Variants in OR4D9 observed in about 807,000 individuals in gnomAD.
OR4D9 encodes olfactory receptor family 4 subfamily D member 9.
In OR4D9, 2 loss-of-function variants were observed where a neutral mutation model predicts 0.8. That is an observed-to-expected ratio of 2.58 (90% confidence interval 1.06 to 8.13). The LOEUF (loss-of-function observed/expected upper bound fraction) is 8.13. OR4D9 is among the 30% of genes most tolerant of loss of function. The pLI, the probability that OR4D9 is intolerant of heterozygous loss-of-function variation, is 0.04. For missense variants in OR4D9, 399 were observed against 384.7 expected (o/e 1.04, Z -0.31); for synonymous variants, 146 against 151.2 (o/e 0.97, Z 0.25).
In OR4D9 at chr11:59,519,353, CAAA is replaced by C. The variant is rs111323455; in HGVS notation, c.*3507_*3509del. On this transcript the variant is annotated 3_prime_UTR_variant, in exon 3 of 3. Transcript: ENST00000641962. ...TGGGCAAAAGAGTGAGACCCTGTCT[CAAA>C]AAAAAAAAAAGAAAAAGTTTGCTGG... The C allele has an allele frequency of 4.1e-5, 5 of 120,574 alleles. No individual in the cohort carries two copies. The highest frequency in any genetic ancestry group is 7.0e-5 in the Non-Finnish European group (4 of 56,768). The allele number at this position is 120,574 out of a possible 1,614,324, so 7.5% of individuals were successfully genotyped here.
In OR4D9 at chr11:59,515,075, C is replaced by A. The variant is rs781430847; in HGVS notation, c.163C>A (p.Leu55Ile). 7.4e-6 allele frequency: 12 copies of A among 1,613,972 alleles called. No homozygotes were observed. The East Asian group carries it at 2.7e-4, about 36-fold the overall frequency. Reference sequence around the variant, plus strand: ...GGTTACAGTTACCTGTGAATCTCACCTTCATACGCCCATGTACTTCCTGCT... The same window carrying A: ...GGTTACAGTTACCTGTGAATCTCACATTCATACGCCCATGTACTTCCTGCT... The part of the protein sequence containing the change: ...IMVTVTCESH[L>I]HTPMYFLLRN... Residue 55 changes from leucine (L) to isoleucine (I), a missense_variant, in exon 3 of 3, where the codon CTT becomes ATT. By Grantham distance (5) the Leu-to-Ile change is conservative. Coordinates refer to ENST00000641962, the MANE Select transcript of OR4D9 (RefSeq NM_001004711.2).
chr11:59,512,593 G>A (rs1368351541), intron 1 of OR4D9, among the ~76,000 whole-genome samples: 1 of 151,820 alleles, frequency 6.6e-6, no homozygotes, highest in Non-Finnish European at 1.5e-5. Flanking sequence ...GGAGGTCCAG[G>A]CAGGTGGTTC....
chr11:59,511,893 T>G (rs1424636729), intron 1 of OR4D9, 147 bp downstream of exon 1: 13 of 152,208 alleles, frequency 8.5e-5, no homozygotes, highest in Admixed American at 8.5e-4. Flanking sequence ...TCACCAGCTC[T>G]CAGGAGGATG....
rs1859437822 is a variant in OR4D9 at position 59,518,799 on chromosome 11, G to A, written c.*2942G>A. On this transcript the variant is annotated 3_prime_UTR_variant, in exon 3 of 3. Transcript: ENST00000641962. The stretch of plus-strand genomic sequence containing the variant: ...AGAATTATGGGGAAGGGAGGGGTGT[G>A]TCTTTATGGGACAGTCCTGGAAGTG... 6.6e-6 allele frequency: 1 copy of A among 152,414 alleles called. No homozygotes were observed. The highest frequency in any genetic ancestry group is 2.1e-4 in the South Asian group (1 of 4,832). The allele number at this position is 152,414 out of a possible 1,614,324, so 9.4% of individuals were successfully genotyped here. A position where few individuals can be genotyped will look rare whatever the true frequency, so the allele number is the denominator to read the frequency against.
At position 59,519,078 on chromosome 11, in the gene OR4D9, TGCGGTGGCTCATGCCTGTAATCTCA is replaced by T. The variant is rs1859440940; in HGVS notation, c.*3224_*3248del. 1 of 152,194 alleles carries T rather than the reference TGCGGTGGCTCATGCCTGTAATCTCA, an allele frequency of 6.6e-6. No homozygotes were observed. 9.4% of individuals were successfully genotyped at this position (152,194 alleles called of 1,614,324 possible). A position where few individuals can be genotyped will look rare whatever the true frequency, so the allele number is the denominator to read the frequency against. The stretch of plus-strand genomic sequence containing the variant: ...TAAAAATGTTTGCTACAGGGCTGGC[TGCGGTGGCTCATGCCTGTAATCTCA>T]GCACCTTGGGAGGCCAGGGAGGGTG... On this transcript the variant is annotated 3_prime_UTR_variant, in exon 3 of 3. Transcript: ENST00000641962.
chr11:59,512,595 A>T (rs903215666), intron 1 of OR4D9, among the ~76,000 whole-genome samples: 6 of 151,614 alleles, frequency 4.0e-5, no homozygotes, highest in African/African-American at 1.5e-4. Flanking sequence ...AGGTCCAGGC[A>T]GGTGGTTCAC....
rs1859378108 is a variant in OR4D9 at position 59,514,786 on chromosome 11, A to G, written c.-31+20A>G. 1 of 653,316 alleles carries G rather than the reference A, an allele frequency of 1.5e-6. No homozygotes were observed. The highest frequency in any genetic ancestry group is 2.0e-5 in the South Asian group (1 of 51,034). 40.5% of individuals were successfully genotyped at this position (653,316 alleles called of 1,614,324 possible). The stretch of plus-strand genomic sequence containing the variant: ...GACACAGTGAGTGCATAGGGAAAAG[A>G]GCTTCCTCCTAATTCTGAGCCAAAT... On this transcript the variant is annotated intron_variant, in intron 2 of 2. Transcript: ENST00000641962.
At position 59,516,207 on chromosome 11, in the gene OR4D9, C is replaced by G. The variant is rs1474587421; in HGVS notation, c.*350C>G. Reference sequence around the variant, plus strand: ...TATTAAAAAATATAAACAGGCCAGGCGTGGTGGCTCACACCTGTAATCCCA... The same window carrying G: ...TATTAAAAAATATAAACAGGCCAGGGGTGGTGGCTCACACCTGTAATCCCA... On this transcript the variant is annotated 3_prime_UTR_variant, in exon 3 of 3. Transcript: ENST00000641962. The G allele has an allele frequency of 5.0e-5, 9 of 179,818 alleles. No homozygotes were observed. Among genetic ancestry groups the G allele is most frequent in the Non-Finnish European group, 9.4e-5 (8 of 84,830 alleles). The allele number at this position is 179,818 out of a possible 1,614,324, so 11.1% of individuals were successfully genotyped here.
At position 59,515,312 on chromosome 11, in the gene OR4D9, A is replaced by G. The variant is rs766456433; in HGVS notation, c.400A>G (p.Thr134Ala). The change falls in exon 3 of 3, where the codon ACC becomes GCC. Residue 134 changes from threonine (T) to alanine (A), a missense_variant. Thr to Ala is a moderately conservative substitution (Grantham distance 58). Transcript: ENST00000641962. Reference sequence around the variant, plus strand: ...CATCTCCAAGCCCCTGCACTATATGACCATCATGAGTAGGGGGCGATGCAC... The same window carrying G: ...CATCTCCAAGCCCCTGCACTATATGGCCATCATGAGTAGGGGGCGATGCAC... ...IAISKPLHYM[T>A]IMSRGRCTGL... 1.7e-5 allele frequency: 27 copies of G among 1,613,086 alleles called. 1 individual carries two copies. The highest frequency in any genetic ancestry group is 1.5e-5 in the Non-Finnish European group (18 of 1,179,696).
chr11:59,515,594 C>G lies in OR4D9; in HGVS notation c.682C>G (p.His228Asp), dbSNP rs146561258. 766 of 1,614,048 alleles carry G rather than the reference C, an allele frequency of 4.7e-4. No homozygotes were observed. Among genetic ancestry groups the G allele is most frequent in the Non-Finnish European group, 6.1e-4 (724 of 1,180,036 alleles). The part of the protein sequence containing the change: ...YTVILMMLRS[H>D]TGEGRRKAIS... ...GGTCATCTTGATGATGCTGAGGTCT[C>G]ACACTGGGGAAGGCAGGAGGAAAGC... Residue 228 changes from histidine (H) to aspartate (D), a missense_variant, in exon 3 of 3, where the codon CAC becomes GAC. By Grantham distance (81) the His-to-Asp change is moderately conservative (BLOSUM62 -1). Coordinates refer to ENST00000641962, the MANE Select transcript of OR4D9 (RefSeq NM_001004711.2).
chr11:59,513,672 C>T lies in OR4D9; in HGVS notation c.-124-1001C>T, dbSNP rs2134584886. ...GTGCTACTGGTGAGGTGTGGTGGCTCATGCTTGTAATCAAACTTAAGAGGC... is the reference window on the plus strand; with the variant it reads ...GTGCTACTGGTGAGGTGTGGTGGCTTATGCTTGTAATCAAACTTAAGAGGC... On this transcript the variant is annotated intron_variant, in intron 1 of 2. Transcript: ENST00000641962. Among the ~76,000 whole-genome samples the T allele has an allele frequency of 2.0e-5, 3 of 152,140 alleles. No homozygotes were observed. The South Asian group carries it at 6.2e-4, about 32-fold the overall frequency.
At position 59,517,155 on chromosome 11, in the gene OR4D9, G is replaced by A. The variant is rs1336113823; in HGVS notation, c.*1298G>A. On this transcript the variant is annotated 3_prime_UTR_variant, in exon 3 of 3. Coordinates refer to ENST00000641962, the MANE Select transcript of OR4D9 (RefSeq NM_001004711.2). The stretch of plus-strand genomic sequence containing the variant: ...TAGTCCCAGCTACTTGAGAGACTGA[G>A]GCAGGAGAGGTTGAGGCTGCAGTGA... 1 of 151,912 alleles carries A rather than the reference G, an allele frequency of 6.6e-6. No individual in the cohort carries two copies. Among genetic ancestry groups the A allele is most frequent in the Non-Finnish European group, 1.5e-5 (1 of 67,942 alleles). 9.4% of individuals were successfully genotyped at this position (151,912 alleles called of 1,614,324 possible).
rs984373614 is a variant in OR4D9 at position 59,519,469 on chromosome 11, G to T, written c.*3612G>T. 2 of 152,230 alleles carry T rather than the reference G, an allele frequency of 1.3e-5. No homozygotes were observed. Among genetic ancestry groups the T allele is most frequent in the African/African-American group, 4.8e-5 (2 of 41,428 alleles). 9.4% of individuals were successfully genotyped at this position (152,230 alleles called of 1,614,324 possible). ...ATTTTTCTTAACTTAAAGGAAGAGG[G>T]AAATGATCAAGGTAAACCCTGGGAT... On this transcript the variant is annotated 3_prime_UTR_variant, in exon 3 of 3. Coordinates refer to ENST00000641962, the MANE Select transcript of OR4D9 (RefSeq NM_001004711.2).
chr11:59,518,111 A>T lies in OR4D9; in HGVS notation c.*2254A>T, dbSNP rs1859428267. On this transcript the variant is annotated 3_prime_UTR_variant, in exon 3 of 3. Coordinates refer to ENST00000641962, the MANE Select transcript of OR4D9 (RefSeq NM_001004711.2). ...TGAGAATTTGCCAGTCTCTGTTGTG[A>T]AAGAGACAGGGATAGTGCTAGGAGA... The T allele has an allele frequency of 6.6e-6, 1 of 152,194 alleles. No individual in the cohort carries two copies. Among genetic ancestry groups the T allele is most frequent in the Admixed American group, 6.5e-5 (1 of 15,280 alleles). 9.4% of individuals were successfully genotyped at this position (152,194 alleles called of 1,614,324 possible).
In OR4D9 at chr11:59,515,276, C is replaced by T. The variant is rs200344506; in HGVS notation, c.364C>T (p.Arg122Cys). 8.6e-5 allele frequency: 139 copies of T among 1,611,860 alleles called. No homozygotes were observed. Among genetic ancestry groups the T allele is most frequent in the Middle Eastern group, 1.7e-4 (1 of 6,036 alleles). Reference protein sequence around the residue: ...VFSLSVMAFDRYIAISKPLHY... With the variant: ...VFSLSVMAFDCYIAISKPLHY... ...TTCTCTCTCTGTGATGGCGTTTGAC[C>T]GCTATATAGCCATCTCCAAGCCCCT... Residue 122 changes from arginine to cysteine, a missense_variant, in exon 3 of 3, where the codon CGC becomes TGC. Transcript: ENST00000641962.
At position 59,514,894 on chromosome 11, in the gene OR4D9, A is replaced by T. The variant is rs1220258182; in HGVS notation, c.-19A>T. 4.0e-6 allele frequency: 6 copies of T among 1,487,310 alleles called. No individual in the cohort carries two copies. Among genetic ancestry groups the T allele is most frequent in the Non-Finnish European group, 5.6e-6 (6 of 1,073,784 alleles). 92.1% of individuals were successfully genotyped at this position (1,487,310 alleles called of 1,614,324 possible). A position where few individuals can be genotyped will look rare whatever the true frequency, so the allele number is the denominator to read the frequency against. On this transcript the variant is annotated 5_prime_UTR_variant, in exon 3 of 3. Coordinates refer to ENST00000641962, the MANE Select transcript of OR4D9 (RefSeq NM_001004711.2). ...ATTATTTCTTCCAGAGATGAACCTG[A>T]TAAAGGATCTGTGATTCAATGGATC...
chr11:59,514,279 T>G (rs993442041), intron 1 of OR4D9, among the ~76,000 whole-genome samples: 2 of 152,240 alleles, frequency 1.3e-5, no homozygotes, highest in Admixed American at 6.5e-5. Flanking sequence ...CCACCACTTT[T>G]TCATCTTTTC....
rs1339309269 is a variant in OR4D9 at position 59,519,501 on chromosome 11, G to A, written c.*3644G>A. ...TCAAGGTAAACCCTGGGATTAGGAT[G>A]ACAGTAGACTAGAAGGGCAGGGTTC... On this transcript the variant is annotated 3_prime_UTR_variant, in exon 3 of 3. Coordinates refer to ENST00000641962, the MANE Select transcript of OR4D9 (RefSeq NM_001004711.2). The A allele has an allele frequency of 2.0e-5, 3 of 152,194 alleles. No individual in the cohort carries two copies. Among genetic ancestry groups the A allele is most frequent in the Non-Finnish European group, 4.4e-5 (3 of 68,046 alleles). 9.4% of individuals were successfully genotyped at this position (152,194 alleles called of 1,614,324 possible). A position where few individuals can be genotyped will look rare whatever the true frequency, so the allele number is the denominator to read the frequency against.
chr11:59,515,971 T>A lies in OR4D9; in HGVS notation c.*114T>A. 1.3e-6 allele frequency: 1 copy of A among 751,160 alleles called. No homozygotes were observed. The highest frequency in any genetic ancestry group is 2.1e-6 in the Non-Finnish European group (1 of 474,762). 46.5% of individuals were successfully genotyped at this position (751,160 alleles called of 1,614,324 possible). ...GATACCTATGGCCACCATCGAGTCC[T>A]AAAAGAAGTTATTCCATCATATATG... On this transcript the variant is annotated 3_prime_UTR_variant, in exon 3 of 3. Transcript: ENST00000641962.
Sources: allele counts gnomAD v4.1 joint callset (sites outside exome capture counted in the v4.1 genomes callset), GRCh38; gene constraint gnomAD v4.1.1; transcripts MANE v1.5; gene names NCBI Gene and HGNC (gene_info 2026-07-23, HGNC 2026-07-21).